PAK5: variants seen among roughly 807,000 people sequenced by gnomAD.
PAK5 encodes serine/threonine-protein kinase PAK 5.
PAK5 carries 16 observed loss-of-function variants against 65.9 expected under a neutral mutation model. That is an observed-to-expected ratio of 0.24 (90% CI 0.16 to 0.37). The LOEUF (loss-of-function observed/expected upper bound fraction) is 0.37, where lower values mean the gene tolerates loss of function less well. PAK5 is among the 10% of genes least tolerant of loss of function. The probability of loss-of-function intolerance (pLI) is 1.00; values close to 1 mark genes in which losing one functional copy is unlikely to be tolerated. For missense variants in PAK5, 785 were observed against 903.9 expected, an observed-to-expected ratio of 0.87 and a Z score of 1.69; for synonymous variants, 371 against 354.9, an observed-to-expected ratio of 1.05 and a Z score of -0.51.
intron 7 of PAK5, among the ~76,000 whole-genome samples, chr20:9,545,401 G>C (rs779908955): frequency 4.6e-5 from 7 of 152,256 alleles, no homozygotes; most frequent in Admixed American, 2.6e-4. Context: ...ACAGCCTTAT[G>C]AAAGTGACAT....
Position 9,583,538 on chromosome 20 carries a change from G to A in PAK5, c.205-2608C>T, listed in dbSNP as rs1290793580. ...TTTTTTCCTGCACCCCCTTCAATGAGGTTATGTTATAAATGTATAGCTGTT... is the reference window on the plus strand; with the variant it reads ...TTTTTTCCTGCACCCCCTTCAATGAAGTTATGTTATAAATGTATAGCTGTT... On this transcript the variant is annotated intron_variant, in intron 3 of 9. Coordinates refer to ENST00000353224, the MANE Select transcript of PAK5 (RefSeq NM_177990.4). Among the ~76,000 whole-genome samples, 15 of 152,150 alleles carry A rather than the reference G, an allele frequency of 9.9e-5. 1 individual carries two copies. The highest frequency in any genetic ancestry group is 2.9e-5 in the Non-Finnish European group (2 of 68,026).
intron 5 of PAK5, among the ~76,000 whole-genome samples, chr20:9,564,436 A>T (rs1178349721): frequency 1.3e-5 from 2 of 152,228 alleles, no homozygotes; most frequent in Admixed American, 6.5e-5. Flanking sequence ...TAGTGAAGAA[A>T]TAAAAATGGC....
At chr20:9,761,409 G>A (rs565349692) in intron 1 of PAK5, among the ~76,000 whole-genome samples, 14 of 152,104 alleles carry the variant, frequency 9.2e-5, no homozygotes, top group South Asian at 2.1e-4. Flanking sequence ...AAGGATATTC[G>A]GTGTTCATGG....
chr20:9,651,866 A>G (rs1167320888), intron 2 of PAK5, among the ~76,000 whole-genome samples: 3 of 152,326 alleles, frequency 2.0e-5, no homozygotes, highest in South Asian at 2.1e-4. Context: ...GGATTAAGAA[A>G]GAAATATGTC....
chr20:9,666,403 T>C (rs1246462099), intron 2 of PAK5, among the ~76,000 whole-genome samples: 1 of 122,282 alleles, frequency 8.2e-6, no homozygotes, highest in East Asian at 2.6e-4. Context: ...AAAAAAAAAC[T>C]TCAACAAAAG....
chr20:9,806,122 G>A (rs2049229370), intron 1 of PAK5, among the ~76,000 whole-genome samples: 1 of 149,780 alleles, frequency 6.7e-6, no homozygotes, highest in South Asian at 2.2e-4. Flanking sequence ...GCAACAACAT[G>A]CCCAGCTAAT....
intron 2 of PAK5, among the ~76,000 whole-genome samples, chr20:9,684,925 A>G (rs2047698229): frequency 6.6e-6 from 1 of 152,192 alleles, no homozygotes; most frequent in Admixed American, 6.5e-5. Flanking sequence ...AGGCTGCTGT[A>G]TAGAGGATCT....
At chr20:9,754,358 G>T (rs1000365001) in intron 1 of PAK5, among the ~76,000 whole-genome samples, 5 of 152,112 alleles carry the variant, frequency 3.3e-5, no homozygotes, top group African/African-American at 1.2e-4. Context: ...CCAGGGAGTG[G>T]AGAGTACTGA....
At chr20:9,610,838 G>A (rs1426899606) in intron 3 of PAK5, among the ~76,000 whole-genome samples, 3 of 152,186 alleles carry the variant, frequency 2.0e-5, no homozygotes, top group Non-Finnish European at 4.4e-5. Flanking sequence ...AGGTGGCTAT[G>A]TCATGAATGA....
intron 1 of PAK5, among the ~76,000 whole-genome samples, chr20:9,791,830 G>A (rs952600930): frequency 6.6e-6 from 1 of 152,106 alleles, no homozygotes; most frequent in Non-Finnish European, 1.5e-5. Flanking sequence ...CCTCCCTGTT[G>A]ATTGGGTCAC....
chr20:9,678,299 G>A (rs1373690267), intron 2 of PAK5, among the ~76,000 whole-genome samples: 1 of 152,232 alleles, frequency 6.6e-6, no homozygotes, highest in Non-Finnish European at 1.5e-5. Flanking sequence ...CAGGCATGGT[G>A]GCTCATGCCT....
At chr20:9,781,227 G>T (rs1232358502) in intron 1 of PAK5, among the ~76,000 whole-genome samples, 4 of 152,136 alleles carry the variant, frequency 2.6e-5, no homozygotes, top group Non-Finnish European at 5.9e-5. Flanking sequence ...AGGCCTGAGA[G>T]AAAGGTATGC....
intron 1 of PAK5, among the ~76,000 whole-genome samples, chr20:9,742,444 T>C (rs969845269): frequency 6.6e-6 from 1 of 152,184 alleles, no homozygotes; most frequent in Non-Finnish European, 1.5e-5. Context: ...TTTAATCTTG[T>C]GCAATAAAAG....
At chr20:9,604,613 A>T (rs2046418441) in intron 3 of PAK5, among the ~76,000 whole-genome samples, 1 of 152,138 alleles carries the variant, frequency 6.6e-6, no homozygotes, top group South Asian at 2.1e-4. Flanking sequence ...CTTAGCTAGA[A>T]ATCCTATTCA....
At chr20:9,770,010 G>A (rs1569080996) in intron 1 of PAK5, among the ~76,000 whole-genome samples, 1 of 152,166 alleles carries the variant, frequency 6.6e-6, no homozygotes, top group Non-Finnish European at 1.5e-5. Flanking sequence ...TAGAAAAGTA[G>A]GGTGGTAGCT....
In PAK5 at chr20:9,636,605, G is replaced by A. The variant is rs111551933; in HGVS notation, c.204+7520C>T. 9.8e-3 allele frequency among the ~76,000 whole-genome samples: 1,499 copies of A among 152,244 alleles called. 23 individuals are homozygous for A. Among genetic ancestry groups the A allele is most frequent in the African/African-American group, 0.034 (1,402 of 41,544 alleles). ...TAAAAGATAAAAAGAAGATTGTTAG[G>A]AAGACTTTGAAGGCTAAATTAGAAA... On this transcript the variant is annotated intron_variant, in intron 3 of 9. Transcript: ENST00000353224.
chr20:9,645,425 C>T (rs970494721), intron 2 of PAK5, among the ~76,000 whole-genome samples: 1 of 152,238 alleles, frequency 6.6e-6, no homozygotes, highest in Admixed American at 6.5e-5. Flanking sequence ...TTTTTCCTCT[C>T]TGCATCTACT....
chr20:9,774,414 A>G (rs1477721155), intron 1 of PAK5, among the ~76,000 whole-genome samples: 1 of 152,244 alleles, frequency 6.6e-6, no homozygotes, highest in African/African-American at 2.4e-5. Flanking sequence ...TGGACTTTTC[A>G]TACATTGCTG....
chr20:9,596,813 T>C (rs976066305), intron 3 of PAK5, among the ~76,000 whole-genome samples: 1 of 152,120 alleles, frequency 6.6e-6, no homozygotes, highest in African/African-American at 2.4e-5. Context: ...GTATTTGAGG[T>C]TGAAAACCCG....
Sources: allele counts gnomAD v4.1 joint callset (sites outside exome capture counted in the v4.1 genomes callset), GRCh38; gene constraint gnomAD v4.1.1; transcripts MANE v1.5; gene names NCBI Gene and HGNC (gene_info 2026-07-23, HGNC 2026-07-21).